The following PDE8A variants were observed in gnomAD, a reference collection of about 807,000 sequenced individuals.
The protein encoded by PDE8A is high affinity cAMP-specific and IBMX-insensitive 3',5'-cyclic phosphodiesterase 8A.
In PDE8A, 59 loss-of-function variants were observed where a neutral mutation model predicts 105.0. The ratio of observed to expected loss-of-function variants is 0.56; its 90% CI spans 0.46 to 0.70. The LOEUF (loss-of-function observed/expected upper bound fraction) is 0.70, where lower values mean the gene tolerates loss of function less well. PDE8A is among the 30% of genes least tolerant of loss of function. PDE8A has a pLI of 0.00. For missense variants in PDE8A, 1,014 were observed against 1,045.9 expected (o/e 0.97, Z 0.42); for synonymous variants, 355 against 371.9 (o/e 0.95, Z 0.52).
Position 85,099,760 on chromosome 15 carries a change from T to G in PDE8A, c.942-255T>G. The G allele has an allele frequency of 8.4e-6, 4 of 476,438 alleles. No individual in the cohort carries two copies. The South Asian group carries it at 1.5e-4, about 18-fold the overall frequency. 29.5% of individuals were successfully genotyped at this position (476,438 alleles called of 1,614,324 possible). A position where few individuals can be genotyped will look rare whatever the true frequency, so the allele number is the denominator to read the frequency against. ...AACATGCAGTTCATTTTAAAAAATA[T>G]GTATATTTGATTGTCTCATGATTAA... On this transcript the variant is annotated intron_variant, in intron 9 of 21. Coordinates refer to ENST00000394553, the MANE Select transcript of PDE8A (RefSeq NM_002605.3).
At chr15:85,076,615 C>A in intron 4 of PDE8A, 118 bp from the exon 5 acceptor site, 1 of 686,542 alleles carries the variant, frequency 1.5e-6, no homozygotes. Context: ...GTATATTAAT[C>A]TGATTCATCT....
At chr15:85,036,749 C>T (rs2080713151) in intron 1 of PDE8A, among the ~76,000 whole-genome samples, 1 of 152,114 alleles carries the variant, frequency 6.6e-6, no homozygotes, top group South Asian at 2.1e-4. Context: ...GAAGTTGCAG[C>T]AGGAGGGACA....
At chr15:85,110,532 AG>A (rs2082006475) in intron 12 of PDE8A, among the ~76,000 whole-genome samples, 2 of 152,166 alleles carry the variant, frequency 1.3e-5, no homozygotes, top group African/African-American at 4.8e-5. Flanking sequence ...TGTGCCTCAT[AG>A]AATTGGAATC....
intron 1 of PDE8A, among the ~76,000 whole-genome samples, chr15:85,045,379 C>T (rs895934405): frequency 6.6e-6 from 1 of 152,126 alleles, no homozygotes; most frequent in Non-Finnish European, 1.5e-5. Context: ...TTATTTTAGA[C>T]TTTTCCTAAT....
At chr15:85,051,505 G>C (rs1004089221) in intron 1 of PDE8A, among the ~76,000 whole-genome samples, 1 of 152,022 alleles carries the variant, frequency 6.6e-6, no homozygotes, top group African/African-American at 2.4e-5. Flanking sequence ...GGTACTTAGG[G>C]ATGTGCAGGT....
chr15:85,085,413 A>C (rs1336170530), intron 6 of PDE8A, among the ~76,000 whole-genome samples: 1 of 152,234 alleles, frequency 6.6e-6, no homozygotes, highest in Admixed American at 6.5e-5. Context: ...TAAAAACCAG[A>C]AACAGGCCGG....
chr15:85,123,624 C>T (rs2082216575), intron 19 of PDE8A, among the ~76,000 whole-genome samples: 1 of 152,082 alleles, frequency 6.6e-6, no homozygotes, highest in African/African-American at 2.4e-5. Context: ...TGATTGTGCC[C>T]ACCAGATTAA....
At chr15:85,026,526 A>G (rs1285261532) in intron 1 of PDE8A, among the ~76,000 whole-genome samples, 1 of 152,192 alleles carries the variant, frequency 6.6e-6, no homozygotes, top group East Asian at 1.9e-4. Context: ...GTTACATGGC[A>G]TCACTTCTGT....
At chr15:85,107,354 G>A (rs2081961713) in intron 11 of PDE8A, among the ~76,000 whole-genome samples, 1 of 152,210 alleles carries the variant, frequency 6.6e-6, no homozygotes, top group Non-Finnish European at 1.5e-5. Flanking sequence ...TAAAGACAAG[G>A]ATGAGCCATT....
At chr15:85,045,752 C>G (rs2080877081) in intron 1 of PDE8A, among the ~76,000 whole-genome samples, 1 of 152,160 alleles carries the variant, frequency 6.6e-6, no homozygotes, top group Non-Finnish European at 1.5e-5. Context: ...TAGACTCTTC[C>G]ACACCTAAGA....
intron 4 of PDE8A, among the ~76,000 whole-genome samples, chr15:85,076,224 A>G (rs544547939): frequency 8.5e-5 from 13 of 152,206 alleles, no homozygotes; most frequent in Non-Finnish European, 1.8e-4. Flanking sequence ...TTCTAACTCC[A>G]AATATCTCTG....
At chr15:85,059,898 C>T (rs2141440067) in intron 1 of PDE8A, among the ~76,000 whole-genome samples, 1 of 152,280 alleles carries the variant, frequency 6.6e-6, no homozygotes, top group Non-Finnish European at 1.5e-5. Flanking sequence ...GTCTCAGCTA[C>T]TCGGGAGACT....
chr15:85,050,691 G>T (rs1457109007), intron 1 of PDE8A, among the ~76,000 whole-genome samples: 74 of 152,092 alleles, frequency 4.9e-4, no homozygotes, highest in Non-Finnish European at 2.9e-5. Flanking sequence ...CTTTATGCTA[G>T]TACCACATTA....
intron 3 of PDE8A, among the ~76,000 whole-genome samples, chr15:85,069,694 AACAGTCCCCTCC>A (rs528659363): frequency 3.3e-4 from 51 of 152,332 alleles, no homozygotes; most frequent in African/African-American, 1.2e-3. Flanking sequence ...AAGTAAGCAG[AACAGTCCCCTCC>A]ACTGTGCTAG....
chr15:85,105,586 C>T (rs745498259), intron 11 of PDE8A, among the ~76,000 whole-genome samples: 3 of 152,074 alleles, frequency 2.0e-5, no homozygotes, highest in Non-Finnish European at 2.9e-5. Flanking sequence ...CCAGGGTTTC[C>T]TGGATTTACC....
In PDE8A at chr15:85,132,293, C is replaced by T. The variant is rs138450971; in HGVS notation, c.2254-4241C>T. Among the ~76,000 whole-genome samples the T allele has an allele frequency of 5.3e-5, 8 of 152,058 alleles. No individual in the cohort carries two copies. In the East Asian group the frequency reaches 1.4e-3, roughly 26 times the overall value. Reference sequence around the variant, plus strand: ...ATTATTTCTTCAAATAATCTCTGTCCTTCTCTTCTCCTCTTCTTTTTGCTG... The same window carrying T: ...ATTATTTCTTCAAATAATCTCTGTCTTTCTCTTCTCCTCTTCTTTTTGCTG... On this transcript the variant is annotated intron_variant, in intron 20 of 21. Transcript: ENST00000394553.
intron 2 of PDE8A, among the ~76,000 whole-genome samples, chr15:85,065,406 G>A (rs1033706257): frequency 6.7e-6 from 1 of 149,484 alleles, no homozygotes; most frequent in Non-Finnish European, 1.5e-5. Context: ...TGGGTGCAGC[G>A]CACCAGCATG....
chr15:85,133,526 G>A (rs907260), intron 20 of PDE8A, among the ~76,000 whole-genome samples: 127,280 of 152,102 alleles, frequency 0.84, 53,912 homozygotes, highest in African/African-American at 0.96. Context: ...TAAGTTTCCT[G>A]CTGTTTTGAA....
At chr15:85,104,532 G>A (rs1036772486) in intron 11 of PDE8A, among the ~76,000 whole-genome samples, 1 of 151,894 alleles carries the variant, frequency 6.6e-6, no homozygotes, top group Non-Finnish European at 1.5e-5. Context: ...AGCCTCAGGA[G>A]CCCAATCAGA....
Sources: gnomAD v4.1 joint callset for allele counts (sites outside exome capture counted in the v4.1 genomes callset) on GRCh38, gnomAD v4.1.1 for gene constraint, MANE v1.5 for transcripts, NCBI Gene and HGNC (gene_info 2026-07-23, HGNC 2026-07-21) for gene names.